The following SLC13A4 variants were observed in gnomAD, a reference collection of about 807,000 sequenced individuals.
SLC13A4 encodes the protein Na(+)/sulfate cotransporter SUT-1.
In SLC13A4, 28 loss-of-function variants were observed where a neutral mutation model predicts 72.7. That is an observed-to-expected ratio of 0.39 (90% CI 0.29 to 0.53). The LOEUF is 0.53. Ranked by LOEUF, SLC13A4 falls within the 20% of genes least tolerant of loss-of-function variation. The pLI, the probability that SLC13A4 is intolerant of heterozygous loss-of-function variation, is 0.78. For synonymous variants in SLC13A4, 312 were observed against 325.5 expected, an observed-to-expected ratio of 0.96 and a Z score of 0.45; for missense variants, 653 against 788.0, an observed-to-expected ratio of 0.83 and a Z score of 2.05.
At chr7:135,695,932 T>C (rs1351094253) in intron 8 of SLC13A4, among the ~76,000 whole-genome samples, 1 of 152,176 alleles carries the variant, frequency 6.6e-6, no homozygotes, top group African/African-American at 2.4e-5. Context: ...TAATGAAGTT[T>C]TTAGATATTA....
At chr7:135,719,811 G>GTGTGTGTGTA in intron 2 of SLC13A4, among the ~76,000 whole-genome samples, 1 of 143,730 alleles carries the variant, frequency 7.0e-6, no homozygotes, top group East Asian at 2.0e-4. Context: ...GTATGTGTGT[G>GTGTGTGTGTA]TGTGTGTGTG....
chr7:135,699,656 G>T (rs1291874397), intron 7 of SLC13A4, 108 bp from the exon 8 acceptor site: 6 of 891,328 alleles, frequency 6.7e-6, no homozygotes, highest in African/African-American at 5.7e-5. Flanking sequence ...GAGCTTGGGT[G>T]TCAGAAAGAC....
intron 13 of SLC13A4, among the ~76,000 whole-genome samples, chr7:135,686,690 A>G (rs1026207078): frequency 1.3e-5 from 2 of 152,194 alleles, no homozygotes; most frequent in Non-Finnish European, 2.9e-5. Context: ...CTTTTTGAAG[A>G]CACAGATATG....
At chr7:135,721,371 G>C in intron 2 of SLC13A4, 24 bp downstream of exon 2, 1 of 1,613,034 alleles carries the variant, frequency 6.2e-7, no homozygotes, top group Non-Finnish European at 8.5e-7. Flanking sequence ...CCCAGGCAGG[G>C]GGTGGGGCTA....
At chr7:135,699,176 A>G (rs1795975078) in intron 8 of SLC13A4, among the ~76,000 whole-genome samples, 188 bp downstream of exon 8, 1 of 152,176 alleles carries the variant, frequency 6.6e-6, no homozygotes, top group African/African-American at 2.4e-5. Context: ...CCTAGGCTCA[A>G]GCAATCCCCC....
At chr7:135,694,027 G>T in intron 10 of SLC13A4, 110 bp downstream of exon 10, 1 of 723,260 alleles carries the variant, frequency 1.4e-6, no homozygotes, top group East Asian at 2.5e-5. Flanking sequence ...TCAGAGTTGT[G>T]GAAAATTCTC....
chr7:135,686,176 G>A (rs945895515), intron 13 of SLC13A4, among the ~76,000 whole-genome samples: 2 of 152,196 alleles, frequency 1.3e-5, no homozygotes, highest in Admixed American at 1.3e-4. Context: ...AGCCTTTCCT[G>A]TGTTTTTAAG....
intron 13 of SLC13A4, among the ~76,000 whole-genome samples, chr7:135,687,225 CCT>C (rs78399388): frequency 6.6e-6 from 1 of 152,102 alleles, no homozygotes; most frequent in Non-Finnish European, 1.5e-5. Context: ...TGCCTCCCTT[CCT>C]CTCTCTCTTC....
At chr7:135,719,605 C>T (rs186671666) in intron 2 of SLC13A4, among the ~76,000 whole-genome samples, 13 of 151,930 alleles carry the variant, frequency 8.6e-5, no homozygotes, top group Admixed American at 5.2e-4. Flanking sequence ...TCTTTTTTCA[C>T]GAAAGAAGAG....
chr7:135,691,573 C>T lies in SLC13A4; in HGVS notation c.1296G>A (p.Lys432=), dbSNP rs2129494043. 6.2e-7 allele frequency: 1 copy of T among 1,613,762 alleles called. No homozygotes were observed. The highest frequency in any genetic ancestry group is 1.7e-4 in the Middle Eastern group (1 of 6,060). ...CATCATTCTTTTTCCCAAAGCAGGG[C>T]TTCTTCGCTGGAATGAGGAAGAGGA... The part of the protein sequence containing the change: ...GFLLFLIPAK[K]PCFGKKNDGE... Residue 432 remains lysine (K), a synonymous_variant, in exon 12 of 16, where the codon AAG becomes AAA. Transcript: ENST00000682651.
At chr7:135,721,246 G>T in intron 2 of SLC13A4, 149 bp downstream of exon 2, 1 of 847,228 alleles carries the variant, frequency 1.2e-6, no homozygotes, top group Non-Finnish European at 1.8e-6. Context: ...TAGAACTGCA[G>T]GTGCCAAAGC....
intron 8 of SLC13A4, among the ~76,000 whole-genome samples, chr7:135,697,586 CTTT>C (rs796453706): frequency 6.6e-5 from 9 of 135,454 alleles, no homozygotes; most frequent in African/African-American, 2.4e-4. Flanking sequence ...ATCTGTTCTC[CTTT>C]TTTTTTTTTT....
In SLC13A4 at chr7:135,708,242, C is replaced by T. The variant is rs753709394; in HGVS notation, c.237G>A (p.Ala79=). ...FGVLRSNEVA[A]EYFKNTTLLL... ...GCAGCGTGGTGTTCTTGAAGTACTC[C>T]GCCGCCACCTGTAGGGAGGCCAGGC... is the stretch of plus-strand genomic sequence containing the variant. Residue 79 remains alanine (A), a synonymous_variant, in exon 3 of 16, where the codon GCG becomes GCA. Transcript: ENST00000682651. The T allele has an allele frequency of 1.3e-5, 21 of 1,614,074 alleles. No homozygotes were observed. In the East Asian group the frequency reaches 3.1e-4, roughly 24 times the overall value.
chr7:135,724,500 GAAAAAAAAAA>G (rs5887740), intron 1 of SLC13A4, among the ~76,000 whole-genome samples: 1 of 94,474 alleles, frequency 1.1e-5, no homozygotes, highest in Non-Finnish European at 2.0e-5. Context: ...CTCTGTCTCA[GAAAAAAAAAA>G]AAAAAAAAAA....
intron 13 of SLC13A4, among the ~76,000 whole-genome samples, chr7:135,690,081 T>G (rs1435496101): frequency 6.8e-6 from 1 of 147,152 alleles, no homozygotes; most frequent in Non-Finnish European, 1.5e-5. Context: ...TTTGGGAGGC[T>G]GAGGCATGAG....
Position 135,721,418 on chromosome 7 carries a change from A to T in SLC13A4, c.205T>A (p.Phe69Ile). 1 of 1,614,088 alleles carries T rather than the reference A, an allele frequency of 6.2e-7. No homozygotes were observed. Among genetic ancestry groups the T allele is most frequent in the Non-Finnish European group, 8.5e-7 (1 of 1,179,970 alleles). ...ACCTCATTGGACCGGAGGACTCCGAAGAACGGGTAAAGGAAGGCCGGCACC... is the reference window on the plus strand; with the variant it reads ...ACCTCATTGGACCGGAGGACTCCGATGAACGGGTAAAGGAAGGCCGGCACC... ...ALVPAFLYPF[F>I]GVLRSNEVAA... Residue 69 changes from phenylalanine to isoleucine, a missense_variant, in exon 2 of 16, where the codon TTC becomes ATC. Phe to Ile is a conservative substitution (Grantham distance 21). Transcript: ENST00000682651.
intron 1 of SLC13A4, among the ~76,000 whole-genome samples, chr7:135,725,980 GT>G (rs1722231464): frequency 6.6e-6 from 1 of 152,064 alleles, no homozygotes; most frequent in Non-Finnish European, 1.5e-5. Flanking sequence ...ACAAAAAAAA[GT>G]TTGATGAAAG....
intron 7 of SLC13A4, among the ~76,000 whole-genome samples, chr7:135,700,806 G>A (rs1188637804): frequency 6.6e-6 from 1 of 152,182 alleles, no homozygotes; most frequent in Non-Finnish European, 1.5e-5. Context: ...CACCATGCCA[G>A]CTAATGATTT....
chr7:135,698,095 C>T (rs192298611), intron 8 of SLC13A4, among the ~76,000 whole-genome samples: 70 of 152,056 alleles, frequency 4.6e-4, no homozygotes, highest in African/African-American at 1.6e-3. Flanking sequence ...TGCTGTGGTG[C>T]GATCTCAGCT....
Sources: allele counts gnomAD v4.1 joint callset (sites outside exome capture counted in the v4.1 genomes callset), GRCh38; gene constraint gnomAD v4.1.1; transcripts MANE v1.5; gene names NCBI Gene and HGNC (gene_info 2026-07-23, HGNC 2026-07-21).